Variants in ANGPT4 observed in about 807,000 individuals in gnomAD.
ANGPT4 encodes angiopoietin 4.
Under a neutral mutation model 53.0 loss-of-function variants are expected in ANGPT4, and 50 were observed. That is an observed-to-expected ratio of 0.94 (90% CI 0.75 to 1.20). The LOEUF (loss-of-function observed/expected upper bound fraction) is 1.20, where lower values mean the gene tolerates loss of function less well. ANGPT4 is among the 50% of genes most tolerant of loss of function. ANGPT4 has a pLI of 0.00. For missense variants in ANGPT4, 648 were observed against 637.1 expected (o/e 1.02, Z -0.18); for synonymous variants, 251 against 259.7 (o/e 0.97, Z 0.32).
intron 4 of ANGPT4, among the ~76,000 whole-genome samples, chr20:883,855 A>G (rs1265320052): frequency 6.6e-6 from 1 of 152,208 alleles, no homozygotes; most frequent in Non-Finnish European, 1.5e-5. Flanking sequence ...TACGCCAGTA[A>G]TAGGTTCAGG....
At chr20:909,645 A>G (rs984412223) in intron 1 of ANGPT4, among the ~76,000 whole-genome samples, 1 of 152,196 alleles carries the variant, frequency 6.6e-6, no homozygotes, top group Admixed American at 6.5e-5. Flanking sequence ...ATAACCTGCA[A>G]AGTAGCTTCT....
intron 1 of ANGPT4, among the ~76,000 whole-genome samples, chr20:906,540 A>T (rs1341710093): frequency 6.6e-6 from 1 of 152,228 alleles, no homozygotes; most frequent in East Asian, 1.9e-4. Flanking sequence ...ACAATAGATA[A>T]CTAATATACT....
intron 6 of ANGPT4, 116 bp downstream of exon 6, chr20:879,631 A>T: frequency 1.4e-6 from 1 of 704,736 alleles, no homozygotes; most frequent in Non-Finnish European, 2.3e-6. Context: ...TGTCAGCTTT[A>T]GATGAGTTGA....
intron 1 of ANGPT4, among the ~76,000 whole-genome samples, chr20:899,526 T>A (rs184081557): frequency 1.3e-5 from 2 of 152,138 alleles, no homozygotes; most frequent in Non-Finnish European, 2.9e-5. Flanking sequence ...GTGCTGGGAT[T>A]ACAGGCATGA....
chr20:881,088 C>T, intron 5 of ANGPT4, 83 bp downstream of exon 5: 2 of 1,121,878 alleles, frequency 1.8e-6, no homozygotes, highest in South Asian at 3.3e-5. Flanking sequence ...AAAGCCTGAT[C>T]CCGATGGGGT....
chr20:890,718 A>G (rs1292262043), intron 1 of ANGPT4, among the ~76,000 whole-genome samples: 1 of 152,140 alleles, frequency 6.6e-6, no homozygotes, highest in Admixed American at 6.5e-5. Context: ...AGGAAAAGCC[A>G]TGACTGCAGG....
At position 916,018 on chromosome 20, in the gene ANGPT4, T is replaced by C; in HGVS notation, c.197A>G (p.Asn66Ser). The C allele has an allele frequency of 2.5e-6, 4 of 1,614,164 alleles. No individual in the cohort carries two copies. Among genetic ancestry groups the C allele is most frequent in the East Asian group, 4.5e-5 (2 of 44,874 alleles). ...PPGPEVSRDSNTLQRESLANP... is the reference protein window; with the variant it reads ...PPGPEVSRDSSTLQRESLANP... Reference sequence around the variant, plus strand: ...GGCCAGTGATTCTCTCTGGAGGGTGTTGGAGTCCCTGGAGACCTCAGGCCC... The same window carrying C: ...GGCCAGTGATTCTCTCTGGAGGGTGCTGGAGTCCCTGGAGACCTCAGGCCC... Residue 66 changes from asparagine to serine, a missense_variant, in exon 1 of 9, where the codon AAC becomes AGC. By Grantham distance (46) the Asn-to-Ser change is conservative. Coordinates refer to ENST00000381922, the MANE Select transcript of ANGPT4 (RefSeq NM_015985.4).
rs370917173 is a variant in ANGPT4, at chr20:872,941, C to G, written c.*19G>C. ...TCCGAGCTTCTCCTGTGTGGTCCAG[C>G]CTCTGGCACAGCTGCTCGTTAGATG... On this transcript the variant is annotated 3_prime_UTR_variant, in exon 9 of 9. Transcript: ENST00000381922. 13 of 1,613,378 alleles carry G rather than the reference C, an allele frequency of 8.1e-6. No homozygotes were observed. The highest frequency in any genetic ancestry group is 1.1e-5 in the Non-Finnish European group (13 of 1,179,832).
rs1204751517 is a variant in ANGPT4, at chr20:870,713, A to G, written c.*2247T>C. On this transcript the variant is annotated 3_prime_UTR_variant, in exon 9 of 9. Coordinates refer to ENST00000381922, the MANE Select transcript of ANGPT4 (RefSeq NM_015985.4). ...GCTTGCAGTCAGCCTAGAAACTACA[A>G]TAGAAAAATAAATGATGTGGATACA... The G allele has an allele frequency of 1.3e-5, 2 of 152,168 alleles. No individual in the cohort carries two copies. Among genetic ancestry groups the G allele is most frequent in the Non-Finnish European group, 2.9e-5 (2 of 68,068 alleles). 9.4% of individuals were successfully genotyped at this position (152,168 alleles called of 1,614,324 possible). A position where few individuals can be genotyped will look rare whatever the true frequency, so the allele number is the denominator to read the frequency against.
intron 6 of ANGPT4, among the ~76,000 whole-genome samples, chr20:879,493 T>C (rs996843511): frequency 4.6e-5 from 7 of 152,204 alleles, no homozygotes; most frequent in African/African-American, 7.2e-5. Context: ...ATTAGAAATG[T>C]ATATGTATTT....
At position 879,789 on chromosome 20, in the gene ANGPT4, A is replaced by G. The variant is rs760001649; in HGVS notation, c.1011T>C (p.Asn337=). The stretch of plus-strand genomic sequence containing the variant: ...AGTTCCGCTGAAAATTCACGGTGCC[A>G]TTCTCACGGCGCTGGATGAGGGTCC... ...GRWTLIQRRE[N]GTVNFQRNWK... is the part of the protein sequence containing the mutation. The change falls in exon 6 of 9, where the codon AAT becomes AAC. Residue 337 remains asparagine (N), a synonymous_variant. Transcript: ENST00000381922. 6.2e-7 allele frequency: 1 copy of G among 1,613,794 alleles called. No individual in the cohort carries two copies. The highest frequency in any genetic ancestry group is 8.5e-7 in the Non-Finnish European group (1 of 1,179,834).
rs145077872 is a variant in ANGPT4 at position 892,709 on chromosome 20, G to A, written c.310-2341C>T. Among the ~76,000 whole-genome samples, 43 of 152,072 alleles carry A rather than the reference G, an allele frequency of 2.8e-4. 1 individual carries two copies. In the East Asian group the frequency reaches 7.5e-3, roughly 27 times the overall value. On this transcript the variant is annotated intron_variant, in intron 1 of 8. Coordinates refer to ENST00000381922, the MANE Select transcript of ANGPT4 (RefSeq NM_015985.4). ...TCCCTTTGCCTTTTGGCGTCTCACTGTTGCCCAGGCTGGAGTGCAGTGATG... is the reference window on the plus strand; with the variant it reads ...TCCCTTTGCCTTTTGGCGTCTCACTATTGCCCAGGCTGGAGTGCAGTGATG...
rs1491558179 is a variant in ANGPT4, at chr20:875,036, C to CT, written c.1221-623dup. Among the ~76,000 whole-genome samples the CT allele has an allele frequency of 4.8e-5, 5 of 103,442 alleles. No homozygotes were observed. The East Asian group carries it at 1.4e-3, about 30-fold the overall frequency. The allele number at this position is 103,442 out of a possible 152,430, so 67.9% of individuals were successfully genotyped here. ...TGCCCGGCAACGTTTCTTTTTCTTT[C>CT]TTTTTTTTCTATTCTTTGCATCTAC... is the stretch of plus-strand genomic sequence containing the variant. On this transcript the variant is annotated intron_variant, in intron 7 of 8. Transcript: ENST00000381922.
In ANGPT4 at chr20:873,066, G is replaced by A. The variant is rs780761200; in HGVS notation, c.1406C>T (p.Ala469Val). 6.2e-7 allele frequency: 1 copy of A among 1,614,110 alleles called. No individual in the cohort carries two copies. Residue 469 changes from alanine to valine, a missense_variant, in exon 9 of 9, where the codon GCT becomes GTT. Ala to Val is a moderately conservative substitution (Grantham distance 64). Coordinates refer to ENST00000381922, the MANE Select transcript of ANGPT4 (RefSeq NM_015985.4). Reference sequence around the variant, plus strand: ...GTCCATCTTGTACTTGTTGTCGGGAGCGTGGTAGTAGACGCCGTTGAGGTT... The same window carrying A: ...GTCCATCTTGTACTTGTTGTCGGGAACGTGGTAGTAGACGCCGTTGAGGTT... The part of the protein sequence containing the change: ...LSNLNGVYYH[A>V]PDNKYKMDGI...
intron 1 of ANGPT4, among the ~76,000 whole-genome samples, chr20:900,983 T>C (rs1600060031): frequency 6.6e-6 from 1 of 152,170 alleles, no homozygotes; most frequent in African/African-American, 2.4e-5. Context: ...CAAATGCTCC[T>C]TCTAACAACC....
chr20:891,517 C>T (rs987737988), intron 1 of ANGPT4, among the ~76,000 whole-genome samples: 3 of 152,238 alleles, frequency 2.0e-5, no homozygotes, highest in African/African-American at 7.2e-5. Context: ...TCCCCTCCAC[C>T]ATTGCCTCTC....
rs1982584334 is a variant in ANGPT4, at chr20:908,799, G to A, written c.309+7107C>T. 7.6e-6 allele frequency among the ~76,000 whole-genome samples: 1 copy of A among 132,010 alleles called. No homozygotes were observed. 86.6% of individuals were successfully genotyped at this position (132,010 alleles called of 152,430 possible). Reference sequence around the variant, plus strand: ...TGTGTGGTGGGGGGCAGGAGTCGGGGGTTGCACATCTACACATAGTCCCAG... The same window carrying A: ...TGTGTGGTGGGGGGCAGGAGTCGGGAGTTGCACATCTACACATAGTCCCAG... On this transcript the variant is annotated intron_variant, in intron 1 of 8. Coordinates refer to ENST00000381922, the MANE Select transcript of ANGPT4 (RefSeq NM_015985.4). This position sits in a 1 kb window ranked among gnomAD's most constrained non-coding sequence, Gnocchi z 4.9.
intron 1 of ANGPT4, among the ~76,000 whole-genome samples, chr20:913,603 G>C (rs1030765475): frequency 6.6e-6 from 1 of 152,220 alleles, no homozygotes; most frequent in African/African-American, 2.4e-5. Context: ...CAAGCCATCA[G>C]TTCAAGCCAT....
In ANGPT4 at chr20:874,406, A is replaced by G. The variant is rs142791988; in HGVS notation, c.1229T>C (p.Val410Ala). 1.8e-5 allele frequency: 29 copies of G among 1,613,296 alleles called. No individual in the cohort carries two copies. The highest frequency in any genetic ancestry group is 2.2e-5 in the Non-Finnish European group (26 of 1,179,994). The change falls in exon 8 of 9, where the codon GTG becomes GCG. Residue 410 changes from valine (V) to alanine (A), a missense_variant. Val to Ala is a moderately conservative substitution (Grantham distance 64, BLOSUM62 0). Coordinates refer to ENST00000381922, the MANE Select transcript of ANGPT4 (RefSeq NM_015985.4). ...CCCTGCTGAGCCGCTGTACCCGACC[A>G]CAGAAAGCCTGGAGGCCACCCAGAG... ...GSENQLYRLS[V>A]VGYSGSAGRQ...
Sources: gnomAD v4.1 joint callset for allele counts (sites outside exome capture counted in the v4.1 genomes callset) on GRCh38, gnomAD v4.1.1 for gene constraint, Gnocchi (gnomAD v3.1) non-coding constraint, MANE v1.5 for transcripts, NCBI Gene and HGNC (gene_info 2026-07-23, HGNC 2026-07-21) for gene names.